Variants in ANXA4 observed in about 807,000 individuals in gnomAD.
ANXA4 encodes annexin A4.
In ANXA4, 39 loss-of-function variants were observed where a neutral mutation model predicts 49.8. The observed-to-expected ratio is 0.78, with a 90% confidence interval of 0.61 to 1.02. The LOEUF (loss-of-function observed/expected upper bound fraction) is 1.02, where lower values mean the gene tolerates loss of function less well. ANXA4 is among the 50% of genes least tolerant of loss of function. The pLI is 0.00. For synonymous variants in ANXA4, 134 were observed against 152.5 expected, an observed-to-expected ratio of 0.88 and a Z score of 0.89; for missense variants, 360 against 410.1, an observed-to-expected ratio of 0.88 and a Z score of 1.05.
chr2:69,719,924 C>A (rs76897538), intron 2 of ANXA4, among the ~76,000 whole-genome samples: 1,977 of 152,188 alleles, frequency 0.013, 48 homozygotes, highest in African/African-American at 0.045. Context: ...CTGTGCCTGG[C>A]GAAGTCTTTA....
intron 2 of ANXA4, among the ~76,000 whole-genome samples, chr2:69,672,500 G>A (rs911717789): frequency 6.6e-6 from 1 of 151,972 alleles, no homozygotes; most frequent in Non-Finnish European, 1.5e-5. Context: ...CCAAAGTGCT[G>A]GAATTACAGG....
intron 1 of ANXA4, among the ~76,000 whole-genome samples, chr2:69,764,925 A>G (rs1013650297): frequency 6.6e-6 from 1 of 152,000 alleles, no homozygotes; most frequent in Non-Finnish European, 1.5e-5. Flanking sequence ...ATATAAGTGG[A>G]TTCATGTAGT....
At chr2:69,683,397 G>A (rs72899485) in intron 2 of ANXA4, among the ~76,000 whole-genome samples, 6,606 of 152,258 alleles carry the variant, frequency 0.043, 436 homozygotes, top group African/African-American at 0.14. Context: ...TGGAAATGGA[G>A]TCTGCTAATA....
chr2:69,806,215 G>A (rs534037391), intron 4 of ANXA4, among the ~76,000 whole-genome samples, 170 bp from the exon 5 acceptor site: 2 of 152,332 alleles, frequency 1.3e-5, no homozygotes, highest in Admixed American at 6.5e-5. Flanking sequence ...GCTTGTGGAA[G>A]AATGACAGTG....
Position 69,674,127 on chromosome 2 carries a change from T to G in ANXA4, n.766+20845T>G, listed in dbSNP as rs77428277. On this transcript the variant is annotated intron_variant and non_coding_transcript_variant, in intron 2 of 3. Coordinates refer to the ANXA4 transcript ENST00000418066. ...AGCCATTATCAGCACTTCAGTGGGC[T>G]GGGAGGACATGAAAATAGCTGCATG... 6.4e-3 allele frequency: 970 copies of G among 152,556 alleles called. 9 individuals are homozygous for G. The highest frequency in any genetic ancestry group is 9.9e-3 in the Non-Finnish European group (672 of 68,208). 9.5% of individuals were successfully genotyped at this position (152,556 alleles called of 1,614,324 possible).
intron 3 of ANXA4, among the ~76,000 whole-genome samples, chr2:69,795,267 G>A (rs184831915): frequency 6.3e-4 from 96 of 152,328 alleles, no homozygotes; most frequent in African/African-American, 2.2e-3. Context: ...CACCATCCAT[G>A]TTAACTGTGT....
intron 3 of ANXA4, among the ~76,000 whole-genome samples, chr2:69,732,361 G>A (rs535134572): frequency 6.6e-6 from 1 of 152,132 alleles, no homozygotes; most frequent in Non-Finnish European, 1.5e-5. Flanking sequence ...CTGTAGATCA[G>A]GTAAACGAGA....
intron 2 of ANXA4, among the ~76,000 whole-genome samples, chr2:69,660,315 T>C (rs1676664747): frequency 6.6e-6 from 1 of 152,164 alleles, no homozygotes; most frequent in South Asian, 2.1e-4. Context: ...TAGAGGCACT[T>C]ACAGGAGCAA....
intron 3 of ANXA4, among the ~76,000 whole-genome samples, chr2:69,798,124 A>T (rs2103772382): frequency 6.6e-6 from 1 of 152,312 alleles, no homozygotes; most frequent in South Asian, 2.1e-4. Flanking sequence ...GCCTAAGTGG[A>T]CAGAGGGGCA....
chr2:69,716,696 C>T (rs1022387874), intron 2 of ANXA4, among the ~76,000 whole-genome samples: 5 of 152,038 alleles, frequency 3.3e-5, no homozygotes, highest in African/African-American at 9.7e-5. Context: ...GAGGCTGCTC[C>T]GGGAATCCAG....
intron 1 of ANXA4, among the ~76,000 whole-genome samples, chr2:69,763,264 G>A (rs1048895101): frequency 3.9e-5 from 6 of 152,132 alleles, no homozygotes; most frequent in Admixed American, 6.6e-5. Flanking sequence ...TGATGACTTC[G>A]GGGCGCGGGA....
chr2:69,649,460 G>T (rs375683410), intron 1 of ANXA4, among the ~76,000 whole-genome samples: 14 of 149,814 alleles, frequency 9.3e-5, no homozygotes, highest in Admixed American at 9.3e-4. Context: ...CTATTTCATT[G>T]TATATTCTCT....
chr2:69,673,106 G>A (rs545150290), intron 2 of ANXA4, among the ~76,000 whole-genome samples: 15 of 152,256 alleles, frequency 9.9e-5, no homozygotes, highest in Non-Finnish European at 2.1e-4. Flanking sequence ...AGACAGTGTG[G>A]CAATTCCTCA....
chr2:69,656,273 A>G (rs960171026), intron 2 of ANXA4, among the ~76,000 whole-genome samples: 3 of 137,534 alleles, frequency 2.2e-5, no homozygotes, highest in Non-Finnish European at 4.5e-5. Context: ...ATATATGTAT[A>G]TACGTATATA....
In ANXA4 at chr2:69,814,415, G is replaced by A. The variant is rs190548311; in HGVS notation, c.535-1686G>A. Among the ~76,000 whole-genome samples the A allele has an allele frequency of 1.0e-4, 14 of 133,772 alleles. No individual in the cohort carries two copies. The East Asian group carries it at 2.0e-3, about 19-fold the overall frequency. 87.8% of individuals were successfully genotyped at this position (133,772 alleles called of 152,430 possible). On this transcript the variant is annotated intron_variant, in intron 8 of 12. Coordinates refer to ENST00000394295, the MANE Select transcript of ANXA4 (RefSeq NM_001153.5). Reference sequence around the variant, plus strand: ...GGCTGTTGTGCAGTGGCATGATCTCGGCCCACTGCAACCTTCACCTCCCAG... The same window carrying A: ...GGCTGTTGTGCAGTGGCATGATCTCAGCCCACTGCAACCTTCACCTCCCAG...
chr2:69,714,658 G>A (rs1201182868), intron 2 of ANXA4, among the ~76,000 whole-genome samples: 1 of 152,208 alleles, frequency 6.6e-6, no homozygotes, highest in African/African-American at 2.4e-5. Context: ...AGATCCCAGA[G>A]CTGGGGCCTA....
intron 2 of ANXA4, among the ~76,000 whole-genome samples, chr2:69,659,296 T>C (rs1215564838): frequency 1.3e-5 from 2 of 152,210 alleles, no homozygotes; most frequent in African/African-American, 4.8e-5. Flanking sequence ...GCTTCTCCAC[T>C]TTATGTTATA....
At chr2:69,802,580 G>A (rs1029075763) in intron 3 of ANXA4, among the ~76,000 whole-genome samples, 2 of 151,976 alleles carry the variant, frequency 1.3e-5, no homozygotes, top group Admixed American at 6.6e-5. Flanking sequence ...GCGTGGTGGC[G>A]TGCACCTGTA....
At chr2:69,645,547 TC>T (rs1675976362) in intron 1 of ANXA4, among the ~76,000 whole-genome samples, 1 of 152,240 alleles carries the variant, frequency 6.6e-6, no homozygotes. Flanking sequence ...GGTCCTAAAA[TC>T]AATCTGATGC....
Sources: gnomAD v4.1 joint callset for allele counts (sites outside exome capture counted in the v4.1 genomes callset) on GRCh38, gnomAD v4.1.1 for gene constraint, MANE v1.5 for transcripts, NCBI Gene and HGNC (gene_info 2026-07-23, HGNC 2026-07-21) for gene names.